PANX1: variants seen among roughly 807,000 people sequenced by gnomAD.
PANX1 encodes the protein pannexin-1.
A neutral mutation model predicts 38.7 loss-of-function variants in PANX1; 30 were observed. The observed-to-expected ratio is 0.78, with a 90% CI of 0.58 to 1.05. The LOEUF is 1.05. Ranked by LOEUF, PANX1 falls within the 50% of genes least tolerant of loss-of-function variation. The pLI is 0.00. For synonymous variants in PANX1, 230 were observed against 212.2 expected, an observed-to-expected ratio of 1.08 and a Z score of -0.73; for missense variants, 551 against 517.2, an observed-to-expected ratio of 1.07 and a Z score of -0.63.
At chr11:94,145,303 C>G (rs1462428380) in intron 1 of PANX1, among the ~76,000 whole-genome samples, 2 of 152,074 alleles carry the variant, frequency 1.3e-5, no homozygotes, top group African/African-American at 2.4e-5. Flanking sequence ...TTATACACCC[C>G]TTAATTGTGC....
chr11:94,155,734 A>C (rs1027139496), intron 2 of PANX1, among the ~76,000 whole-genome samples: 7 of 152,080 alleles, frequency 4.6e-5, no homozygotes, highest in Non-Finnish European at 8.8e-5. Context: ...GGGCCCATGT[A>C]GTTCAAATTC....
chr11:94,135,837 AT>A (rs1375375245), intron 1 of PANX1, among the ~76,000 whole-genome samples: 1 of 152,138 alleles, frequency 6.6e-6, no homozygotes, highest in African/African-American at 2.4e-5. Flanking sequence ...ACCTTATTTT[AT>A]TTTTTAAAAC....
intron 1 of PANX1, among the ~76,000 whole-genome samples, chr11:94,130,356 T>C (rs568104210): frequency 3.3e-5 from 5 of 152,012 alleles, no homozygotes; most frequent in Admixed American, 6.5e-5. Context: ...TTTGTTAAGG[T>C]TTTGAGATGG....
chr11:94,180,154 C>T lies in PANX1; in HGVS notation c.1098C>T (p.Leu366=). The T allele has an allele frequency of 6.2e-7, 1 of 1,613,912 alleles. No homozygotes were observed. Residue 366 remains leucine, a synonymous_variant, in exon 4 of 5, where the codon CTC becomes CTT. Coordinates refer to ENST00000227638, the MANE Select transcript of PANX1 (RefSeq NM_015368.4). ...GTCAGGGGATCGACCCAATGCTACT[C>T]CTGACAAACCTTGGCATGATCAAGA... ...SSGQGIDPML[L]LTNLGMIKMD...
rs116409686 is a variant in PANX1, at chr11:94,155,875, G to T, written c.321+2245G>T. Among the ~76,000 whole-genome samples the T allele has an allele frequency of 3.3e-3, 510 of 152,252 alleles. 3 individuals are homozygous for T. The highest frequency in any genetic ancestry group is 0.012 in the African/African-American group (486 of 41,538). On this transcript the variant is annotated intron_variant, in intron 2 of 4. Transcript: ENST00000227638. Reference sequence around the variant, plus strand: ...AGGTGGGTTCTCGTCAGCTTTGCATGGTTTAGTAGCCAAGGCAACAAATAA... The same window carrying T: ...AGGTGGGTTCTCGTCAGCTTTGCATTGTTTAGTAGCCAAGGCAACAAATAA...
At chr11:94,137,025 C>T (rs976410904) in intron 1 of PANX1, among the ~76,000 whole-genome samples, 3 of 151,570 alleles carry the variant, frequency 2.0e-5, no homozygotes, top group African/African-American at 7.3e-5. Context: ...GGAGGTGCTA[C>T]ACATTTCTAG....
At chr11:94,141,907 C>G (rs1006753268) in intron 1 of PANX1, among the ~76,000 whole-genome samples, 2 of 152,144 alleles carry the variant, frequency 1.3e-5, no homozygotes. Context: ...GTGTCTGGTA[C>G]GTAGGAAGCA....
At chr11:94,161,212 C>T (rs956133015) in intron 2 of PANX1, among the ~76,000 whole-genome samples, 10 of 152,152 alleles carry the variant, frequency 6.6e-5, no homozygotes, top group African/African-American at 1.7e-4. Context: ...CTTGGAGTTG[C>T]TCTTCTCGAG....
intron 1 of PANX1, among the ~76,000 whole-genome samples, chr11:94,153,226 C>T (rs530326779): frequency 1.3e-5 from 2 of 152,254 alleles, no homozygotes; most frequent in African/African-American, 4.8e-5. Flanking sequence ...TTCCTGCTTC[C>T]TTTTTCTTTG....
intron 2 of PANX1, among the ~76,000 whole-genome samples, chr11:94,160,669 G>C (rs111477901): frequency 0.057 from 8,607 of 152,096 alleles, 834 homozygotes; most frequent in African/African-American, 0.2. Flanking sequence ...TGGGTCTTGA[G>C]TCTTTATCCA....
At chr11:94,136,179 A>G (rs1018112754) in intron 1 of PANX1, among the ~76,000 whole-genome samples, 5 of 151,450 alleles carry the variant, frequency 3.3e-5, no homozygotes, top group African/African-American at 9.7e-5. Context: ...CTGCGTTCCT[A>G]TTTGAAATAA....
intron 2 of PANX1, among the ~76,000 whole-genome samples, chr11:94,155,304 C>T (rs959092110): frequency 1.5e-4 from 23 of 148,918 alleles, no homozygotes; most frequent in African/African-American, 7.5e-5. Flanking sequence ...GAGCTGACAT[C>T]GTGCCATTGC....
chr11:94,168,130 C>G (rs796496285), intron 2 of PANX1, among the ~76,000 whole-genome samples: 1 of 152,076 alleles, frequency 6.6e-6, no homozygotes, highest in South Asian at 2.1e-4. Context: ...CATAAACTCT[C>G]TCTTCCTGAT....
intron 2 of PANX1, among the ~76,000 whole-genome samples, chr11:94,170,787 C>T (rs1565383972): frequency 6.6e-6 from 1 of 151,722 alleles, no homozygotes; most frequent in Non-Finnish European, 1.5e-5. Context: ...GTTCTAACTT[C>T]TGTGGCTTGA....
chr11:94,171,740 A>C (rs955576570), intron 2 of PANX1, among the ~76,000 whole-genome samples: 1 of 151,210 alleles, frequency 6.6e-6, no homozygotes, highest in Non-Finnish European at 1.5e-5. Context: ...TTTTTCTCCA[A>C]CCGACTTTGA....
intron 1 of PANX1, among the ~76,000 whole-genome samples, chr11:94,145,165 G>A (rs935097155): frequency 1.3e-5 from 2 of 152,170 alleles, no homozygotes; most frequent in African/African-American, 2.4e-5. Flanking sequence ...TAGCGTGTAC[G>A]TGATGCCCCG....
rs1565377552 is a variant in PANX1 at position 94,153,471 on chromosome 11, C to G, written c.182-20C>G. ...AGGTAAGCTGTGTTTTCATTGGAAA[C>G]TATCTGTTTTGCTTCTTAGGTACAC... On this transcript the variant is annotated intron_variant, in intron 1 of 4. Transcript: ENST00000227638. The G allele has an allele frequency of 1.6e-5, 25 of 1,612,486 alleles. No homozygotes were observed. The highest frequency in any genetic ancestry group is 2.0e-5 in the Non-Finnish European group (24 of 1,179,142).
chr11:94,163,172 A>G (rs2134507518), intron 2 of PANX1, among the ~76,000 whole-genome samples: 1 of 152,116 alleles, frequency 6.6e-6, no homozygotes, highest in African/African-American at 2.4e-5. Flanking sequence ...TTTTATTTTA[A>G]TTTTTAAGTT....
At position 94,130,462 on chromosome 11, in the gene PANX1, A is replaced by ACC. The variant is rs1591500523; in HGVS notation, c.181+969_181+970insCC. 2.0e-5 allele frequency among the ~76,000 whole-genome samples: 3 copies of ACC among 152,170 alleles called. No individual in the cohort carries two copies. The East Asian group carries it at 5.8e-4, about 29-fold the overall frequency. On this transcript the variant is annotated intron_variant, in intron 1 of 4. Transcript: ENST00000227638. Reference sequence around the variant, plus strand: ...GAGTTCCTGGAGTCTGAGAGTGAATATGGGCCTGGGTCAGCCTGGAACAGA... The same window carrying ACC: ...GAGTTCCTGGAGTCTGAGAGTGAATACCTGGGCCTGGGTCAGCCTGGAACAGA...
Sources: allele counts gnomAD v4.1 joint callset (sites outside exome capture counted in the v4.1 genomes callset), GRCh38; gene constraint gnomAD v4.1.1; transcripts MANE v1.5; gene names NCBI Gene and HGNC (gene_info 2026-07-23, HGNC 2026-07-21).